Variants in PLGRKT observed in about 807,000 individuals in gnomAD.
The protein encoded by PLGRKT is plasminogen receptor (KT).
In PLGRKT, 22 loss-of-function variants were observed where a neutral mutation model predicts 18.5. The observed-to-expected ratio is 1.19, with a 90% CI of 0.85 to 1.70. PLGRKT has a LOEUF of 1.70. PLGRKT is among the 40% of genes most tolerant of loss of function. The pLI, the probability that PLGRKT is intolerant of heterozygous loss-of-function variation, is 0.00. For missense variants in PLGRKT, 235 were observed against 174.4 expected (o/e 1.35, Z -1.96); for synonymous variants, 72 against 52.8 (o/e 1.36, Z -1.58).
chr9:5,377,012 G>A (rs1397198654), intron 3 of PLGRKT, among the ~76,000 whole-genome samples: 1 of 152,038 alleles, frequency 6.6e-6, no homozygotes, highest in African/African-American at 2.4e-5. Flanking sequence ...AATCCCTTAA[G>A]CCTTCATTTC....
chr9:5,392,271 G>A (rs3739638), intron 3 of PLGRKT: 95,922 of 151,710 alleles, frequency 0.63, 31,745 homozygotes, highest in African/African-American at 0.82. Flanking sequence ...TATGATCATA[G>A]TTCTGATTAA....
chr9:5,381,444 C>T (rs1817744433), intron 3 of PLGRKT, among the ~76,000 whole-genome samples: 1 of 152,242 alleles, frequency 6.6e-6, no homozygotes, highest in African/African-American at 2.4e-5. Flanking sequence ...ACCTTGACAG[C>T]TTCCACGTGG....
At chr9:5,408,294 T>C (rs1327570608) in intron 3 of PLGRKT, among the ~76,000 whole-genome samples, 1 of 152,130 alleles carries the variant, frequency 6.6e-6, no homozygotes, top group Non-Finnish European at 1.5e-5. Context: ...TGGACAGAGA[T>C]GGCCAGGTGG....
intron 3 of PLGRKT, chr9:5,381,782 T>C (rs867971346): frequency 3.4e-6 from 2 of 580,638 alleles, no homozygotes; most frequent in Non-Finnish European, 4.3e-6. Context: ...TGTTTGGAAG[T>C]TGGTCTAGAA....
At chr9:5,388,959 C>A (rs1393984600) in intron 3 of PLGRKT, among the ~76,000 whole-genome samples, 1 of 151,870 alleles carries the variant, frequency 6.6e-6, no homozygotes, top group African/African-American at 2.4e-5. Context: ...GCTGAAGGTA[C>A]CAGGAAAATA....
At chr9:5,428,510 GT>G (rs1036704838) in intron 3 of PLGRKT, among the ~76,000 whole-genome samples, 12 of 152,198 alleles carry the variant, frequency 7.9e-5, no homozygotes, top group Non-Finnish European at 1.2e-4. Context: ...ATGGCTCTGA[GT>G]GGCCATTCTC....
chr9:5,396,363 G>C (rs763361440), intron 3 of PLGRKT, among the ~76,000 whole-genome samples: 19 of 151,350 alleles, frequency 1.3e-4, no homozygotes, highest in African/African-American at 4.4e-4. Context: ...TCGGCTCACT[G>C]CAACCTCAAC....
chr9:5,386,100 T>C (rs989269526), intron 3 of PLGRKT, among the ~76,000 whole-genome samples: 5 of 151,872 alleles, frequency 3.3e-5, no homozygotes, highest in African/African-American at 1.2e-4. Context: ...AAAATGCGAA[T>C]GCACTGGATG....
chr9:5,424,445 T>TATAG (rs1818642712), intron 3 of PLGRKT, among the ~76,000 whole-genome samples: 1 of 93,628 alleles, frequency 1.1e-5, no homozygotes, highest in Non-Finnish European at 2.2e-5. Context: ...ATAAAATATA[T>TATAG]TATATATTAT....
At chr9:5,396,541 C>T (rs150669295) in intron 3 of PLGRKT, among the ~76,000 whole-genome samples, 1 of 152,022 alleles carries the variant, frequency 6.6e-6, no homozygotes, top group East Asian at 1.9e-4. Context: ...GTGATCTGCC[C>T]ACCTCAGCCT....
chr9:5,377,005 C>G (rs1256641002), intron 3 of PLGRKT, among the ~76,000 whole-genome samples: 1 of 152,050 alleles, frequency 6.6e-6, no homozygotes. Context: ...GAAATAAAAT[C>G]CCTTAAGCCT....
intron 2 of PLGRKT, among the ~76,000 whole-genome samples, chr9:5,435,321 TAAA>T (rs61099125): frequency 7.8e-6 from 1 of 127,776 alleles, no homozygotes. Context: ...CAATAAATAC[TAAA>T]AAAAAAAAAA....
intron 3 of PLGRKT, among the ~76,000 whole-genome samples, chr9:5,380,894 G>T (rs1425490722): frequency 6.6e-6 from 1 of 152,214 alleles, no homozygotes; most frequent in African/African-American, 2.4e-5. Context: ...GGTAGGAGGT[G>T]ATTGGATCAT....
chr9:5,388,155 A>G (rs1442506258), intron 3 of PLGRKT, among the ~76,000 whole-genome samples: 4 of 151,888 alleles, frequency 2.6e-5, no homozygotes, highest in African/African-American at 9.7e-5. Flanking sequence ...AAAAGAAGAC[A>G]ATGGCAATCT....
At chr9:5,377,132 G>A (rs981997396) in intron 3 of PLGRKT, among the ~76,000 whole-genome samples, 3 of 152,000 alleles carry the variant, frequency 2.0e-5, no homozygotes, top group African/African-American at 4.8e-5. Context: ...TCCTGCAACC[G>A]TTACAATGAC....
chr9:5,400,035 T>A (rs1332607811), intron 3 of PLGRKT, among the ~76,000 whole-genome samples: 2 of 151,800 alleles, frequency 1.3e-5, no homozygotes, highest in Admixed American at 1.3e-4. Flanking sequence ...GTTATTCTAA[T>A]CAGCTCTTAA....
Position 5,361,243 on chromosome 9 carries a change from T to C in PLGRKT, c.213-56A>G, listed in dbSNP as rs74407727. The C allele has an allele frequency of 3.8e-3, 3,644 of 949,300 alleles. 63 individuals carry two copies. The highest frequency in any genetic ancestry group is 0.035 in the East Asian group (1,428 of 40,644). The allele number at this position is 949,300 out of a possible 1,614,324, so 58.8% of individuals were successfully genotyped here. A position where few individuals can be genotyped will look rare whatever the true frequency, so the allele number is the denominator to read the frequency against. ...TCAAAAAATAACCTGTAAATACATA[T>C]CTGTATACTTAAAGAAAAAAAAATA... is the stretch of plus-strand genomic sequence containing the variant. On this transcript the variant is annotated intron_variant, in intron 4 of 5. Transcript: ENST00000223864.
chr9:5,359,459 G>C (rs1817214266), intron 5 of PLGRKT, among the ~76,000 whole-genome samples: 1 of 151,978 alleles, frequency 6.6e-6, no homozygotes, highest in African/African-American at 2.4e-5. Context: ...TTTTACCTCT[G>C]TCTCAAATAG....
rs184073063 is a variant in PLGRKT at position 5,361,917 on chromosome 9, G to A, written c.82-29C>T. On this transcript the variant is annotated intron_variant, in intron 3 of 5. Coordinates refer to ENST00000223864, the MANE Select transcript of PLGRKT (RefSeq NM_018465.4). The stretch of plus-strand genomic sequence containing the variant: ...AGGACAAAACAAAAGACAAAGTAAA[G>A]TTACTCATCTTTGGAATCTGAACAA... 57 of 1,600,042 alleles carry A rather than the reference G, an allele frequency of 3.6e-5. No homozygotes were observed. In the East Asian group the frequency reaches 1.2e-3, roughly 35 times the overall value.
Sources: gnomAD v4.1 joint callset for allele counts (sites outside exome capture counted in the v4.1 genomes callset) on GRCh38, gnomAD v4.1.1 for gene constraint, MANE v1.5 for transcripts, NCBI Gene and HGNC (gene_info 2026-07-23, HGNC 2026-07-21) for gene names.